The following CCSER1 variants were observed in gnomAD, a reference collection of about 807,000 sequenced individuals.
CCSER1 encodes the protein serine-rich coiled-coil domain-containing protein 1.
In CCSER1, 41 loss-of-function variants were observed where a neutral mutation model predicts 82.0. The observed-to-expected ratio is 0.50, with a 90% confidence interval of 0.39 to 0.65. The LOEUF (loss-of-function observed/expected upper bound fraction) is 0.65, where lower values mean the gene tolerates loss of function less well. Ranked by LOEUF, CCSER1 falls within the 30% of genes least tolerant of loss-of-function variation. The probability of loss-of-function intolerance (pLI) is 0.00; values close to 1 mark genes in which losing one functional copy is unlikely to be tolerated. For synonymous variants in CCSER1, 414 were observed against 383.9 expected, an observed-to-expected ratio of 1.08 and a Z score of -0.92; for missense variants, 1,119 against 1,064.2, an observed-to-expected ratio of 1.05 and a Z score of -0.72.
intron 10 of CCSER1, among the ~76,000 whole-genome samples, chr4:91,186,164 A>C (rs1009822346): frequency 6.6e-6 from 1 of 152,126 alleles, no homozygotes; most frequent in African/African-American, 2.4e-5. Flanking sequence ...GAAAAGAAAG[A>C]TCTGGAGGGT....
At position 90,128,712 on chromosome 4, in the gene CCSER1, C is replaced by G. The variant is rs138181743; in HGVS notation, c.-42+881C>G. Among the ~76,000 whole-genome samples the G allele has an allele frequency of 1.1e-3, 172 of 152,196 alleles. 1 individual carries two copies. The East Asian group carries it at 0.018, about 16-fold the overall frequency. On this transcript the variant is annotated intron_variant, in intron 1 of 10. Coordinates refer to ENST00000509176, the MANE Select transcript of CCSER1 (RefSeq NM_001145065.2). ...AATGGTGCTTCTGCGTGCGTGGAGG[C>G]TGAGCCTTGCTGATGTAAAGGAGGA...
At chr4:91,445,879 A>G (rs1436221987) in intron 10 of CCSER1, among the ~76,000 whole-genome samples, 1 of 151,516 alleles carries the variant, frequency 6.6e-6, no homozygotes, top group Non-Finnish European at 1.5e-5. Flanking sequence ...TTTTTTCTTT[A>G]TCTGGTCTGT....
At chr4:91,463,072 C>T (rs1756607009) in intron 10 of CCSER1, among the ~76,000 whole-genome samples, 1 of 152,194 alleles carries the variant, frequency 6.6e-6, no homozygotes, top group African/African-American at 2.4e-5. Context: ...AAGTGGGTCC[C>T]TGACCCCCTG....
At chr4:91,452,244 A>T (rs564482902) in intron 10 of CCSER1, among the ~76,000 whole-genome samples, 1 of 152,052 alleles carries the variant, frequency 6.6e-6, no homozygotes, top group Admixed American at 6.6e-5. Flanking sequence ...GCATATCATC[A>T]TCTTGTCACA....
intron 1 of CCSER1, among the ~76,000 whole-genome samples, chr4:90,130,379 TTTTG>T (rs1297451285): frequency 6.6e-6 from 1 of 152,170 alleles, no homozygotes; most frequent in African/African-American, 2.4e-5. Flanking sequence ...TCATACTGGA[TTTTG>T]TTTGAGAATG....
chr4:91,056,710 A>G (rs553076041), intron 9 of CCSER1, among the ~76,000 whole-genome samples: 1 of 152,288 alleles, frequency 6.6e-6, no homozygotes, highest in Non-Finnish European at 1.5e-5. Flanking sequence ...AACTCTGGAA[A>G]TCAGATTAGG....
At chr4:91,042,254 AGT>A (rs1278683320) in intron 9 of CCSER1, among the ~76,000 whole-genome samples, 1 of 152,088 alleles carries the variant, frequency 6.6e-6, no homozygotes, top group Non-Finnish European at 1.5e-5. Flanking sequence ...TGGCTTTATA[AGT>A]GTTTGGTAGT....
chr4:90,813,313 T>G lies in CCSER1; in HGVS notation c.2011-2449T>G, dbSNP rs934427121. Among the ~76,000 whole-genome samples, 27 of 152,338 alleles carry G rather than the reference T, an allele frequency of 1.8e-4. No homozygotes were observed. In the East Asian group the frequency reaches 3.5e-3, roughly 20 times the overall value. ...TAAATCTTAAAGCTCCAAAATCTCA[T>G]TTGACTCTGTGTCTTACATCCAGGG... is the stretch of plus-strand genomic sequence containing the variant. On this transcript the variant is annotated intron_variant, in intron 7 of 10. Transcript: ENST00000509176.
chr4:90,400,538 C>A (rs1752681241), intron 4 of CCSER1, among the ~76,000 whole-genome samples: 1 of 152,002 alleles, frequency 6.6e-6, no homozygotes, highest in Admixed American at 6.6e-5. Context: ...AAATCTTAGC[C>A]ACTTCCTACA....
intron 10 of CCSER1, among the ~76,000 whole-genome samples, chr4:91,140,736 G>A (rs186936921): frequency 5.3e-4 from 81 of 152,100 alleles, no homozygotes; most frequent in African/African-American, 2.0e-3. Context: ...ATTCCCACAT[G>A]GTATTTGAAT....
chr4:91,451,049 G>A (rs1265197935), intron 10 of CCSER1, among the ~76,000 whole-genome samples: 1 of 150,948 alleles, frequency 6.6e-6, no homozygotes, highest in Non-Finnish European at 1.5e-5. Flanking sequence ...CAAAGCACTG[G>A]CAGATTCAGT....
At chr4:91,430,591 C>A (rs1754239771) in intron 10 of CCSER1, among the ~76,000 whole-genome samples, 1 of 152,164 alleles carries the variant, frequency 6.6e-6, no homozygotes, top group Non-Finnish European at 1.5e-5. Context: ...TTATTTAGTT[C>A]TCAATTGACT....
In CCSER1 at chr4:90,747,418, G is replaced by A. The variant is rs529861231; in HGVS notation, c.2010+23427G>A. Reference sequence around the variant, plus strand: ...TTTCTTGGAAAGTCAGCAAACTATAGCAACAAAATACCAGACAAGATTTCT... The same window carrying A: ...TTTCTTGGAAAGTCAGCAAACTATAACAACAAAATACCAGACAAGATTTCT... On this transcript the variant is annotated intron_variant, in intron 7 of 10. Transcript: ENST00000509176. 5.3e-5 allele frequency among the ~76,000 whole-genome samples: 8 copies of A among 152,130 alleles called. 1 individual carries two copies. In the South Asian group the frequency reaches 1.7e-3, roughly 32 times the overall value.
intron 4 of CCSER1, among the ~76,000 whole-genome samples, chr4:90,406,120 A>C (rs1405621976): frequency 2.0e-5 from 3 of 152,158 alleles, no homozygotes; most frequent in Admixed American, 6.5e-5. Flanking sequence ...CAGGAAACTC[A>C]CCTAACACGT....
At chr4:90,917,526 G>C (rs957309540) in intron 8 of CCSER1, among the ~76,000 whole-genome samples, 5 of 152,160 alleles carry the variant, frequency 3.3e-5, no homozygotes, top group East Asian at 1.9e-4. Context: ...GTAGAAGGAG[G>C]GGGGAGGGAT....
At chr4:90,482,388 C>A (rs1320301852) in intron 5 of CCSER1, among the ~76,000 whole-genome samples, 1 of 152,072 alleles carries the variant, frequency 6.6e-6, no homozygotes, top group Non-Finnish European at 1.5e-5. Context: ...CTGCTCTGAT[C>A]TTAGTTATTT....
intron 5 of CCSER1, among the ~76,000 whole-genome samples, chr4:90,574,869 A>T (rs1248575198): frequency 6.6e-6 from 1 of 152,132 alleles, no homozygotes; most frequent in Non-Finnish European, 1.5e-5. Context: ...ACAAACTTTT[A>T]ATGTCTGATG....
chr4:90,531,588 A>G (rs1452468014), intron 5 of CCSER1, among the ~76,000 whole-genome samples: 1 of 152,186 alleles, frequency 6.6e-6, no homozygotes, highest in African/African-American at 2.4e-5. Context: ...TCAAATGTTT[A>G]AAGGGTAATT....
chr4:91,560,215 T>G (rs945708015), intron 10 of CCSER1, among the ~76,000 whole-genome samples: 1 of 151,556 alleles, frequency 6.6e-6, no homozygotes, highest in African/African-American at 2.4e-5. Context: ...TGCTACCATA[T>G]AATTTCCAAT....
Sources: gnomAD v4.1 joint callset for allele counts (sites outside exome capture counted in the v4.1 genomes callset) on GRCh38, gnomAD v4.1.1 for gene constraint, MANE v1.5 for transcripts, NCBI Gene and HGNC (gene_info 2026-07-23, HGNC 2026-07-21) for gene names.